DCLK1: variants seen among roughly 807,000 people sequenced by gnomAD.
DCLK1 encodes doublecortin like kinase 1.
Under a neutral mutation model 86.2 loss-of-function variants are expected in DCLK1, and 16 were observed. The observed-to-expected ratio is 0.19, with a 90% CI of 0.13 to 0.28. The LOEUF (loss-of-function observed/expected upper bound fraction) is 0.28, where lower values mean the gene tolerates loss of function less well. Among genes scored for constraint, DCLK1 ranks in the 10% least tolerant of loss-of-function variants. The pLI is 1.00. For missense variants in DCLK1, 590 were observed against 940.2 expected, an observed-to-expected ratio of 0.63 and a Z score of 4.87; for synonymous variants, 369 against 370.5, an observed-to-expected ratio of 1.00 and a Z score of 0.05.
At chr13:35,874,892 G>A (rs2153115370) in intron 4 of DCLK1, among the ~76,000 whole-genome samples, 1 of 152,326 alleles carries the variant, frequency 6.6e-6, no homozygotes, top group African/African-American at 2.4e-5. Context: ...TAGCCTTTTG[G>A]AAGTACACTA....
chr13:36,112,412 A>G (rs925992461), intron 2 of DCLK1, among the ~76,000 whole-genome samples, 197 bp from the exon 3 acceptor site: 9 of 152,258 alleles, frequency 5.9e-5, no homozygotes, highest in African/African-American at 1.7e-4. Context: ...ACAGATCCAC[A>G]TCCTGGAAAA....
intron 3 of DCLK1, among the ~76,000 whole-genome samples, chr13:36,020,457 G>A (rs1881728104): frequency 1.3e-5 from 2 of 152,124 alleles, no homozygotes; most frequent in African/African-American, 4.8e-5. Context: ...AATTTGAGGA[G>A]CATTTATTAA....
intron 3 of DCLK1, among the ~76,000 whole-genome samples, chr13:36,048,419 T>C (rs1424466478): frequency 6.6e-6 from 1 of 152,156 alleles, no homozygotes; most frequent in Non-Finnish European, 1.5e-5. Context: ...AGTAATACTG[T>C]TTATATTTTC....
At chr13:35,796,225 C>T (rs1052037036) in intron 15 of DCLK1, among the ~76,000 whole-genome samples, 5 of 152,094 alleles carry the variant, frequency 3.3e-5, no homozygotes, top group African/African-American at 1.2e-4. Flanking sequence ...TCCAGGCTAC[C>T]TCGGGCAAAA....
intron 3 of DCLK1, among the ~76,000 whole-genome samples, chr13:36,021,994 A>C (rs564613497): frequency 6.6e-6 from 1 of 152,094 alleles, no homozygotes; most frequent in South Asian, 2.1e-4. Flanking sequence ...TAAACCATGT[A>C]TTAAGCCATA....
At chr13:35,903,558 A>T (rs1181898381) in intron 4 of DCLK1, among the ~76,000 whole-genome samples, 1 of 152,128 alleles carries the variant, frequency 6.6e-6, no homozygotes, top group Non-Finnish European at 1.5e-5. Context: ...GGCTAATGTC[A>T]ACCAGAGAGC....
intron 4 of DCLK1, among the ~76,000 whole-genome samples, chr13:35,887,347 T>C (rs78501494): frequency 0.018 from 2,765 of 152,302 alleles, 37 homozygotes; most frequent in Non-Finnish European, 0.028. Flanking sequence ...GCAGCTCCAG[T>C]GGGTCTTTAA....
chr13:36,102,413 T>C (rs1175440716), intron 3 of DCLK1, among the ~76,000 whole-genome samples: 2 of 152,188 alleles, frequency 1.3e-5, no homozygotes, highest in Admixed American at 1.3e-4. Context: ...AACTAAGAAA[T>C]GTCATTTAAC....
chr13:35,836,231 G>A (rs1869368735), intron 7 of DCLK1, 90 bp from the exon 8 acceptor site: 4 of 1,120,882 alleles, frequency 3.6e-6, no homozygotes, highest in Admixed American at 2.1e-5. Context: ...CTAATTGACT[G>A]GAATGGATTC....
rs1309133884 is a variant in DCLK1 at position 35,911,135 on chromosome 13, A to AC, written c.823+36222_823+36223insG. Among the ~76,000 whole-genome samples, 8 of 150,560 alleles carry AC rather than the reference A, an allele frequency of 5.3e-5. No homozygotes were observed. The East Asian group carries it at 1.6e-3, about 30-fold the overall frequency. ...CATCTCTACTAAAAATACAAAAAAA[A>AC]AAAAAAAAACTAGCCAGGCATGATG... On this transcript the variant is annotated intron_variant, in intron 4 of 16. Transcript: ENST00000360631.
At chr13:35,887,879 A>C (rs1873382785) in intron 4 of DCLK1, among the ~76,000 whole-genome samples, 1 of 23,258 alleles carries the variant, frequency 4.3e-5, no homozygotes, top group South Asian at 1.5e-3. Flanking sequence ...ATCTTGTCTC[A>C]AAAAAAAAAA....
chr13:35,948,405 G>T (rs1877496897), intron 3 of DCLK1, among the ~76,000 whole-genome samples: 1 of 152,164 alleles, frequency 6.6e-6, no homozygotes, highest in Non-Finnish European at 1.5e-5. Context: ...GGATATTTGA[G>T]GACCAGAGAC....
chr13:36,088,382 G>T (rs1884693732), intron 3 of DCLK1, among the ~76,000 whole-genome samples: 1 of 152,210 alleles, frequency 6.6e-6, no homozygotes, highest in Admixed American at 6.5e-5. Flanking sequence ...GAAGAAGCTG[G>T]CTTCTGTACT....
chr13:35,799,355 G>A (rs1280982370), intron 15 of DCLK1, among the ~76,000 whole-genome samples: 1 of 152,090 alleles, frequency 6.6e-6, no homozygotes, highest in Non-Finnish European at 1.5e-5. Flanking sequence ...GGGTTCAAGC[G>A]ATTCTCCTGC....
intron 3 of DCLK1, among the ~76,000 whole-genome samples, chr13:36,055,832 T>A (rs192944123): frequency 1.6e-4 from 24 of 152,282 alleles, no homozygotes; most frequent in Admixed American, 1.5e-3. Context: ...ATTAAAAATA[T>A]AAAAAGGCAT....
At chr13:35,843,834 C>CT (rs1869990755) in intron 6 of DCLK1, among the ~76,000 whole-genome samples, 1 of 152,248 alleles carries the variant, frequency 6.6e-6, no homozygotes, top group Admixed American at 6.5e-5. Context: ...CTGAATCAAT[C>CT]TTATAAAGGA....
At position 36,067,181 on chromosome 13, in the gene DCLK1, G is replaced by T. The variant is rs867122464; in HGVS notation, c.723+44688C>A. 2.6e-4 allele frequency among the ~76,000 whole-genome samples: 31 copies of T among 119,756 alleles called. No individual in the cohort carries two copies. The South Asian group carries it at 9.5e-3, about 37-fold the overall frequency. The allele number at this position is 119,756 out of a possible 152,430, so 78.6% of individuals were successfully genotyped here. ...CCCAAATGTCCAACAATGATAGACT[G>T]GATTAAGAAAATGTGGCACATATAC... On this transcript the variant is annotated intron_variant, in intron 3 of 16. Transcript: ENST00000360631.
At chr13:36,054,365 C>A (rs1223295481) in intron 3 of DCLK1, among the ~76,000 whole-genome samples, 1 of 152,144 alleles carries the variant, frequency 6.6e-6, no homozygotes, top group Admixed American at 6.6e-5. Flanking sequence ...TCATTTCTGA[C>A]CCAGGAGTTT....
At chr13:35,985,056 G>A (rs987220367) in intron 3 of DCLK1, among the ~76,000 whole-genome samples, 2 of 152,160 alleles carry the variant, frequency 1.3e-5, no homozygotes, top group African/African-American at 4.8e-5. Flanking sequence ...ACAGTGGCTG[G>A]TGCCTGTCAA....
Sources: allele counts gnomAD v4.1 joint callset (sites outside exome capture counted in the v4.1 genomes callset), GRCh38; gene constraint gnomAD v4.1.1; transcripts MANE v1.5; gene names NCBI Gene and HGNC (gene_info 2026-07-23, HGNC 2026-07-21).